Variants in PLPPR1 observed in about 807,000 individuals in gnomAD.
The protein encoded by PLPPR1 is phospholipid phosphatase related 1.
PLPPR1 carries 10 observed loss-of-function variants against 33.1 expected under a neutral mutation model. The ratio of observed to expected loss-of-function variants is 0.30; its 90% CI spans 0.19 to 0.51. The LOEUF is 0.51. Ranked by LOEUF, PLPPR1 falls within the 20% of genes least tolerant of loss-of-function variation. The pLI is 0.97. For synonymous variants in PLPPR1, 151 were observed against 151.0 expected (o/e 1.00, Z 0.00); for missense variants, 304 against 408.1 (o/e 0.74, Z 2.20).
At chr9:101,093,676 T>G (rs1439900828) in intron 1 of PLPPR1, among the ~76,000 whole-genome samples, 5 of 152,340 alleles carry the variant, frequency 3.3e-5, no homozygotes, top group African/African-American at 1.2e-4. Flanking sequence ...GCATCACTAC[T>G]ACATAGCAGC....
At chr9:101,207,748 GGAA>G (rs1441896431) in intron 2 of PLPPR1, among the ~76,000 whole-genome samples, 2 of 152,124 alleles carry the variant, frequency 1.3e-5, no homozygotes, top group Non-Finnish European at 2.9e-5. Context: ...AAGAATTAGA[GGAA>G]GAAGAATTCT....
chr9:101,124,994 C>T (rs879198904), intron 1 of PLPPR1, among the ~76,000 whole-genome samples: 2 of 152,244 alleles, frequency 1.3e-5, no homozygotes, highest in Admixed American at 1.3e-4. Context: ...CCTTACCTCC[C>T]TCCCCTCCAT....
At chr9:101,205,757 G>A (rs143810792) in intron 2 of PLPPR1, among the ~76,000 whole-genome samples, 9 of 152,246 alleles carry the variant, frequency 5.9e-5, no homozygotes, top group East Asian at 1.9e-4. Context: ...ATGCTGGGCC[G>A]TATGCCAGGC....
intron 2 of PLPPR1, chr9:101,187,160 T>C (rs1276135424): frequency 2.0e-5 from 3 of 151,970 alleles, no homozygotes; most frequent in African/African-American, 7.2e-5. Flanking sequence ...TCTTTTGTTA[T>C]ATGAAAAATA....
intron 1 of PLPPR1, among the ~76,000 whole-genome samples, chr9:101,136,598 T>A (rs182749913): frequency 6.6e-6 from 1 of 152,240 alleles, no homozygotes; most frequent in African/African-American, 2.4e-5. Context: ...TTTTGGTCAA[T>A]AAGGTCAGCA....
intron 1 of PLPPR1, among the ~76,000 whole-genome samples, chr9:101,043,795 AC>A (rs1830111745): frequency 6.6e-6 from 1 of 151,892 alleles, no homozygotes; most frequent in South Asian, 2.1e-4. Flanking sequence ...CACCGCATGC[AC>A]CCCAACATCT....
At chr9:101,053,760 A>G (rs1830250521) in intron 1 of PLPPR1, among the ~76,000 whole-genome samples, 1 of 152,218 alleles carries the variant, frequency 6.6e-6, no homozygotes, top group African/African-American at 2.4e-5. Flanking sequence ...ATCTTGAAGG[A>G]TAGTCTGGGG....
At chr9:101,242,224 G>A (rs1379400111) in intron 2 of PLPPR1, among the ~76,000 whole-genome samples, 1 of 151,846 alleles carries the variant, frequency 6.6e-6, no homozygotes, top group African/African-American at 2.4e-5. Flanking sequence ...AAGAGACCAA[G>A]GGAGGAGCTG....
rs1277400463 is a variant in PLPPR1, at chr9:101,181,689, CACAT to C, written c.-45-3755_-45-3752del. Among the ~76,000 whole-genome samples, 297 of 144,818 alleles carry C rather than the reference CACAT, an allele frequency of 2.1e-3. 2 individuals carry two copies. The highest frequency in any genetic ancestry group is 7.1e-3 in the African/African-American group (280 of 39,284). On this transcript the variant is annotated intron_variant, in intron 1 of 7. Transcript: ENST00000374874. ...ATGTATATATATGTATATACACACA[CACAT>C]ACATATATACACACACCAAATTACT...
At chr9:101,307,431 G>T (rs1022170983) in intron 4 of PLPPR1, among the ~76,000 whole-genome samples, 2 of 152,120 alleles carry the variant, frequency 1.3e-5, no homozygotes, top group Non-Finnish European at 2.9e-5. Flanking sequence ...CCAGCAACCT[G>T]GTCTTTGAAA....
intron 1 of PLPPR1, among the ~76,000 whole-genome samples, chr9:101,126,882 T>C (rs1164424232): frequency 6.6e-6 from 1 of 152,178 alleles, no homozygotes; most frequent in Non-Finnish European, 1.5e-5. Flanking sequence ...GCTGCTTTTA[T>C]TAGTGCCCAC....
chr9:101,320,068 G>C (rs1004508653), intron 7 of PLPPR1, among the ~76,000 whole-genome samples: 2 of 152,118 alleles, frequency 1.3e-5, no homozygotes, highest in Non-Finnish European at 2.9e-5. Context: ...TACTTAAATT[G>C]AAAAATGAAG....
intron 2 of PLPPR1, among the ~76,000 whole-genome samples, chr9:101,225,621 C>G (rs116008094): frequency 1.3e-5 from 2 of 152,086 alleles, no homozygotes; most frequent in Admixed American, 6.6e-5. Flanking sequence ...GAAAGAAGGA[C>G]CCAAAGCAGT....
chr9:101,124,128 G>A (rs1588037618), intron 1 of PLPPR1, among the ~76,000 whole-genome samples: 1 of 152,256 alleles, frequency 6.6e-6, no homozygotes, highest in East Asian at 1.9e-4. Flanking sequence ...GCACTTTCAT[G>A]CTCTGCAGCC....
chr9:101,178,859 CT>C (rs1460886912), intron 1 of PLPPR1, among the ~76,000 whole-genome samples: 1 of 152,154 alleles, frequency 6.6e-6, no homozygotes, highest in African/African-American at 2.4e-5. Context: ...ACCATCACCC[CT>C]AGTGATCCAC....
chr9:101,276,769 G>A (rs1174924892), intron 3 of PLPPR1, among the ~76,000 whole-genome samples: 2 of 152,230 alleles, frequency 1.3e-5, no homozygotes, highest in African/African-American at 4.8e-5. Flanking sequence ...CCTTCTGAAC[G>A]GGTGGATGTG....
At position 101,176,741 on chromosome 9, in the gene PLPPR1, G is replaced by A. The variant is rs186314300; in HGVS notation, c.-45-8709G>A. Among the ~76,000 whole-genome samples the A allele has an allele frequency of 5.9e-4, 90 of 152,300 alleles. No homozygotes were observed. The Middle Eastern group carries it at 0.014, about 23-fold the overall frequency. Reference sequence around the variant, plus strand: ...TTCCGCCTCTACCCACTTGAGCAGCGTCAGGGGAGTTACAGTACAGCACAA... The same window carrying A: ...TTCCGCCTCTACCCACTTGAGCAGCATCAGGGGAGTTACAGTACAGCACAA... On this transcript the variant is annotated intron_variant, in intron 1 of 7. Coordinates refer to ENST00000374874, the MANE Select transcript of PLPPR1 (RefSeq NM_207299.2).
chr9:101,142,096 A>G (rs1831458611), intron 1 of PLPPR1, among the ~76,000 whole-genome samples: 2 of 152,140 alleles, frequency 1.3e-5, no homozygotes, highest in African/African-American at 4.8e-5. Context: ...TCACTAGGTG[A>G]TCCCAACTTT....
chr9:101,231,524 T>C (rs572233516), intron 2 of PLPPR1, among the ~76,000 whole-genome samples: 3 of 152,214 alleles, frequency 2.0e-5, no homozygotes, highest in East Asian at 1.9e-4. Context: ...AAATGTCTTA[T>C]GTGATTATCC....
Sources: allele counts gnomAD v4.1 joint callset (sites outside exome capture counted in the v4.1 genomes callset), GRCh38; gene constraint gnomAD v4.1.1; transcripts MANE v1.5; gene names NCBI Gene and HGNC (gene_info 2026-07-23, HGNC 2026-07-21).